The following GNAQ variants were observed in gnomAD, a reference collection of about 807,000 sequenced individuals.
The protein encoded by GNAQ is guanine nucleotide-binding protein G(q) subunit alpha.
A neutral mutation model predicts 43.9 loss-of-function variants in GNAQ; 8 were observed. The observed-to-expected ratio is 0.18, with a 90% CI of 0.11 to 0.33. GNAQ has a LOEUF of 0.33. Among genes scored for constraint, GNAQ ranks in the 10% least tolerant of loss-of-function variants. The pLI, the probability that GNAQ is intolerant of heterozygous loss-of-function variation, is 1.00. For synonymous variants in GNAQ, 155 were observed against 170.7 expected, an observed-to-expected ratio of 0.91 and a Z score of 0.71; for missense variants, 158 against 450.8, an observed-to-expected ratio of 0.35 and a Z score of 5.88.
At chr9:78,007,061 C>G (rs1407450280) in intron 1 of GNAQ, among the ~76,000 whole-genome samples, 1 of 152,148 alleles carries the variant, frequency 6.6e-6, no homozygotes, top group Non-Finnish European at 1.5e-5. Flanking sequence ...GTTCTACATT[C>G]AGAAGTCAGA....
At chr9:77,786,302 C>T (rs934879942) in intron 5 of GNAQ, among the ~76,000 whole-genome samples, 7 of 147,358 alleles carry the variant, frequency 4.8e-5, no homozygotes, top group African/African-American at 1.8e-4. Context: ...GGCGTGAACC[C>T]GGAAGGCAGA....
At chr9:77,984,566 A>C (rs1823410203) in intron 1 of GNAQ, among the ~76,000 whole-genome samples, 1 of 152,154 alleles carries the variant, frequency 6.6e-6, no homozygotes, top group Non-Finnish European at 1.5e-5. Flanking sequence ...AATTCGCATA[A>C]TTTTTGGTTT....
At chr9:77,787,043 C>T (rs532361077) in intron 5 of GNAQ, among the ~76,000 whole-genome samples, 8 of 152,286 alleles carry the variant, frequency 5.3e-5, no homozygotes, top group Admixed American at 3.9e-4. Flanking sequence ...ACCTTACAGA[C>T]ATAATATTGA....
intron 3 of GNAQ, among the ~76,000 whole-genome samples, chr9:77,813,700 G>GT (rs1826965252): frequency 6.6e-6 from 1 of 152,140 alleles, no homozygotes; most frequent in Non-Finnish European, 1.5e-5. Flanking sequence ...CGTAACCCTA[G>GT]TAAGCACATA....
chr9:78,030,586 C>CT (rs1408917707), intron 1 of GNAQ: 2 of 468,778 alleles, frequency 4.3e-6, no homozygotes, highest in Non-Finnish European at 8.9e-6. Context: ...CCATAGGGCA[C>CT]TGATAATGGA....
At chr9:77,917,458 A>G (rs10116186) in intron 2 of GNAQ, among the ~76,000 whole-genome samples, 87,634 of 151,728 alleles carry the variant, frequency 0.58, 26,189 homozygotes, top group African/African-American at 0.69. Context: ...CCAAACCCCC[A>G]TGACACGAGT....
chr9:77,892,198 A>T (rs931229007), intron 2 of GNAQ, among the ~76,000 whole-genome samples: 4 of 152,156 alleles, frequency 2.6e-5, no homozygotes, highest in African/African-American at 9.7e-5. Flanking sequence ...CTGAAACGTT[A>T]TCTGTCACAG....
chr9:77,918,056 G>A (rs1828939654), intron 2 of GNAQ, among the ~76,000 whole-genome samples: 1 of 152,126 alleles, frequency 6.6e-6, no homozygotes. Flanking sequence ...AGGACTCTCG[G>A]TTCAAGCAAT....
chr9:77,871,368 C>T (rs1828036187), intron 2 of GNAQ, among the ~76,000 whole-genome samples: 1 of 152,118 alleles, frequency 6.6e-6, no homozygotes, highest in Non-Finnish European at 1.5e-5. Flanking sequence ...TAAGAGTAGC[C>T]ATCCCAGGAG....
chr9:77,724,174 C>CTTGG (rs1825361498), intron 6 of GNAQ, among the ~76,000 whole-genome samples: 1 of 151,812 alleles, frequency 6.6e-6, no homozygotes. Flanking sequence ...CAAGTTAGTT[C>CTTGG]TATACCAAGC....
chr9:77,842,926 T>A (rs1827514701), intron 2 of GNAQ, among the ~76,000 whole-genome samples: 1 of 152,198 alleles, frequency 6.6e-6, no homozygotes. Flanking sequence ...AGTCTTTCCA[T>A]CCCTACTGAA....
intron 2 of GNAQ, among the ~76,000 whole-genome samples, chr9:77,881,096 T>A (rs572398821): frequency 2.0e-5 from 3 of 152,152 alleles, no homozygotes; most frequent in Non-Finnish European, 4.4e-5. Context: ...CTTACTTCAT[T>A]CTGTATATGT....
intron 2 of GNAQ, among the ~76,000 whole-genome samples, chr9:77,826,207 T>C (rs1168970458): frequency 6.6e-6 from 1 of 152,086 alleles, no homozygotes; most frequent in Non-Finnish European, 1.5e-5. Flanking sequence ...AAACAAACAA[T>C]GCTATGGCAA....
chr9:77,879,560 T>G (rs1828178859), intron 2 of GNAQ, among the ~76,000 whole-genome samples: 1 of 152,234 alleles, frequency 6.6e-6, no homozygotes, highest in South Asian at 2.1e-4. Context: ...GATGCTGGAT[T>G]TTTCTTACTG....
At chr9:77,962,088 T>C (rs977972849) in intron 1 of GNAQ, among the ~76,000 whole-genome samples, 3 of 151,732 alleles carry the variant, frequency 2.0e-5, no homozygotes, top group African/African-American at 7.3e-5. Flanking sequence ...AGAAAACATA[T>C]GTGAACCTGA....
chr9:77,777,088 G>A (rs943940035), intron 5 of GNAQ, among the ~76,000 whole-genome samples: 29 of 152,134 alleles, frequency 1.9e-4, no homozygotes, highest in Admixed American at 7.9e-4. Context: ...TTATGTTCAC[G>A]ATCACCTGGT....
At position 77,744,793 on chromosome 9, in the gene GNAQ, A is replaced by G. The variant is rs1435452878; in HGVS notation, c.736-16126T>C. ...CTGAAAATGACTCAACACTTCTGAAAAATGCCCAGGGCAACTTGGATTTAA... is the reference window on the plus strand; with the variant it reads ...CTGAAAATGACTCAACACTTCTGAAGAATGCCCAGGGCAACTTGGATTTAA... On this transcript the variant is annotated intron_variant, in intron 5 of 6. Transcript: ENST00000286548. 1.3e-5 allele frequency among the ~76,000 whole-genome samples: 2 copies of G among 152,356 alleles called. 1 individual carries two copies. The highest frequency in any genetic ancestry group is 3.9e-4 in the East Asian group (2 of 5,188).
chr9:77,792,768 A>C (rs1826595656), intron 5 of GNAQ, among the ~76,000 whole-genome samples: 1 of 152,164 alleles, frequency 6.6e-6, no homozygotes, highest in African/African-American at 2.4e-5. Flanking sequence ...AACATCAGAA[A>C]TAAATTCACA....
At chr9:78,029,560 C>T (rs1403798923) in intron 1 of GNAQ, among the ~76,000 whole-genome samples, 1 of 152,062 alleles carries the variant, frequency 6.6e-6, no homozygotes, top group Non-Finnish European at 1.5e-5. Flanking sequence ...GTGCTTTTGC[C>T]TTCTGCTTTT....
Sources: allele counts gnomAD v4.1 joint callset (sites outside exome capture counted in the v4.1 genomes callset), GRCh38; gene constraint gnomAD v4.1.1; transcripts MANE v1.5; gene names NCBI Gene and HGNC (gene_info 2026-07-23, HGNC 2026-07-21).